Variants in BARX2 observed in about 807,000 individuals in gnomAD.
BARX2 encodes the protein homeobox protein BarH-like 2.
In BARX2, 11 loss-of-function variants were observed where a neutral mutation model predicts 25.5. That is an observed-to-expected ratio of 0.43 (90% CI 0.27 to 0.71). BARX2 has a LOEUF of 0.71. Among genes scored for constraint, BARX2 ranks in the 30% least tolerant of loss-of-function variants. The probability of loss-of-function intolerance (pLI) is 0.19; values close to 1 mark genes in which losing one functional copy is unlikely to be tolerated. For synonymous variants in BARX2, 137 were observed against 149.5 expected (o/e 0.92, Z 0.61); for missense variants, 360 against 359.9 (o/e 1.00, Z 0.00).
At chr11:129,443,449 C>T (rs1862287875) in intron 3 of BARX2, among the ~76,000 whole-genome samples, 2 of 152,018 alleles carry the variant, frequency 1.3e-5, no homozygotes, top group African/African-American at 4.8e-5. Context: ...CGTCCTCTAA[C>T]GCAGTGATCC....
intron 1 of BARX2, among the ~76,000 whole-genome samples, chr11:129,426,670 C>A (rs958757331): frequency 1.6e-4 from 24 of 152,196 alleles, no homozygotes. Context: ...AGCCACCACA[C>A]CTGGCCCCGC....
intron 1 of BARX2, among the ~76,000 whole-genome samples, chr11:129,406,906 G>A (rs1242342995): frequency 1.3e-5 from 2 of 152,198 alleles, no homozygotes; most frequent in African/African-American, 4.8e-5. Flanking sequence ...AAATGCAACT[G>A]TGACTTTCTT....
At chr11:129,422,245 A>G (rs1338809172) in intron 1 of BARX2, among the ~76,000 whole-genome samples, 3 of 152,134 alleles carry the variant, frequency 2.0e-5, no homozygotes, top group Admixed American at 1.3e-4. Flanking sequence ...GCTAGACCCT[A>G]CGCTGGACAA....
intron 1 of BARX2, among the ~76,000 whole-genome samples, chr11:129,413,992 G>A (rs911672145): frequency 7.9e-5 from 12 of 151,932 alleles, no homozygotes; most frequent in Non-Finnish European, 1.5e-4. Context: ...CATGAACCTG[G>A]GAGGCAGAGC....
At chr11:129,429,173 G>C (rs1444380725) in intron 1 of BARX2, among the ~76,000 whole-genome samples, 2 of 152,172 alleles carry the variant, frequency 1.3e-5, no homozygotes, top group Non-Finnish European at 2.9e-5. Context: ...TATAAGGTTA[G>C]TGTAACTCTA....
intron 1 of BARX2, among the ~76,000 whole-genome samples, chr11:129,431,874 C>G (rs573099053): frequency 6.6e-6 from 1 of 151,984 alleles, no homozygotes; most frequent in Non-Finnish European, 1.5e-5. Context: ...AGATTTTTCT[C>G]TAATGTTTCT....
At chr11:129,383,542 G>A (rs1456841567) in intron 1 of BARX2, among the ~76,000 whole-genome samples, 3 of 152,164 alleles carry the variant, frequency 2.0e-5, no homozygotes, top group Non-Finnish European at 4.4e-5. Flanking sequence ...CTGAAGATTA[G>A]GTGATGTTCA....
At chr11:129,423,166 G>C (rs1591440719) in intron 1 of BARX2, among the ~76,000 whole-genome samples, 1 of 151,510 alleles carries the variant, frequency 6.6e-6, no homozygotes, top group South Asian at 2.1e-4. Context: ...ACCCAGGCTG[G>C]AGTGTAATGG....
At chr11:129,388,093 CTGTGTGTG>C (rs34835803) in intron 1 of BARX2, among the ~76,000 whole-genome samples, 2 of 146,920 alleles carry the variant, frequency 1.4e-5, no homozygotes, top group East Asian at 2.0e-4. Context: ...AGGCAACATA[CTGTGTGTG>C]TGTGTGTGTG....
chr11:129,448,112 T>G (rs1027979765), intron 3 of BARX2, among the ~76,000 whole-genome samples: 2 of 152,214 alleles, frequency 1.3e-5, no homozygotes, highest in African/African-American at 2.4e-5. Flanking sequence ...TACTGAGAAC[T>G]TCTTGGTTTT....
chr11:129,409,519 G>A (rs182290540), intron 1 of BARX2, among the ~76,000 whole-genome samples: 7 of 152,062 alleles, frequency 4.6e-5, no homozygotes, highest in South Asian at 4.2e-4. Flanking sequence ...TTTAGATGAC[G>A]TGGTGAAAAG....
Position 129,390,984 on chromosome 11 carries a change from A to G in BARX2, c.187+14762A>G, listed in dbSNP as rs571644361. Reference sequence around the variant, plus strand: ...CAAAAACCTTTCCTCCAGAGCCTCCACTGCCTCATTCTGTGATGTTTCAAT... The same window carrying G: ...CAAAAACCTTTCCTCCAGAGCCTCCGCTGCCTCATTCTGTGATGTTTCAAT... On this transcript the variant is annotated intron_variant, in intron 1 of 3. Transcript: ENST00000281437. The surrounding 1 kb of genome is among the most constrained non-coding windows in gnomAD (Gnocchi z 4.3). Among the ~76,000 whole-genome samples, 24 of 152,324 alleles carry G rather than the reference A, an allele frequency of 1.6e-4. No individual in the cohort carries two copies. The highest frequency in any genetic ancestry group is 5.3e-4 in the African/African-American group (22 of 41,578).
Position 129,446,126 on chromosome 11 carries a change from G to A in BARX2, c.573+3207G>A, listed in dbSNP as rs370900106. On this transcript the variant is annotated intron_variant, in intron 3 of 3. Coordinates refer to ENST00000281437, the MANE Select transcript of BARX2 (RefSeq NM_003658.5). ...ATCTTGCATATTTAAGATGGGATGC[G>A]CACCCTCTATTCCATGTCTGTTGGC... Among the ~76,000 whole-genome samples, 107 of 152,194 alleles carry A rather than the reference G, an allele frequency of 7.0e-4. No homozygotes were observed. In the South Asian group the frequency reaches 0.015, roughly 21 times the overall value.
At chr11:129,410,578 A>G (rs2323632) in intron 1 of BARX2, among the ~76,000 whole-genome samples, 59,479 of 152,078 alleles carry the variant, frequency 0.39, 15,163 homozygotes, top group African/African-American at 0.73. Context: ...GGCTGTGTGT[A>G]CATGAATGAA....
In BARX2 at chr11:129,451,791, G is replaced by C. The variant is rs998448714; in HGVS notation, c.*389G>C. 15 of 173,390 alleles carry C rather than the reference G, an allele frequency of 8.7e-5. No homozygotes were observed. The highest frequency in any genetic ancestry group is 1.5e-4 in the Non-Finnish European group (12 of 82,162). The allele number at this position is 173,390 out of a possible 1,614,324, so 10.7% of individuals were successfully genotyped here. A position where few individuals can be genotyped will look rare whatever the true frequency, so the allele number is the denominator to read the frequency against. The stretch of plus-strand genomic sequence containing the variant: ...GGGCAGCCAGTCATCAAAGCAGAGA[G>C]ACGTGGCGGCATGTGGGCAGCATGC... On this transcript the variant is annotated 3_prime_UTR_variant, in exon 4 of 4. Coordinates refer to ENST00000281437, the MANE Select transcript of BARX2 (RefSeq NM_003658.5).
intron 1 of BARX2, among the ~76,000 whole-genome samples, chr11:129,391,687 T>A (rs2135388221): frequency 6.6e-6 from 1 of 152,310 alleles, no homozygotes; most frequent in South Asian, 2.1e-4. Context: ...GGCTCTGGGC[T>A]TTAAGGATAA....
At chr11:129,417,923 A>C (rs1001136910) in intron 1 of BARX2, among the ~76,000 whole-genome samples, 2 of 152,214 alleles carry the variant, frequency 1.3e-5, no homozygotes, top group Non-Finnish European at 2.9e-5. Flanking sequence ...GGCAGAAGAG[A>C]TCCTGCAGTT....
At chr11:129,411,660 G>A (rs1205288330) in intron 1 of BARX2, among the ~76,000 whole-genome samples, 1 of 152,238 alleles carries the variant, frequency 6.6e-6, no homozygotes, top group Non-Finnish European at 1.5e-5. Context: ...CAATTAGCAA[G>A]TCAAGAAGAA....
At chr11:129,402,229 G>A in intron 1 of BARX2, among the ~76,000 whole-genome samples, 1 of 151,984 alleles carries the variant, frequency 6.6e-6, no homozygotes, top group East Asian at 1.9e-4. Context: ...GCAGCTTTGG[G>A]GGCACAGACC....
Sources: allele counts gnomAD v4.1 joint callset (sites outside exome capture counted in the v4.1 genomes callset), GRCh38; gene constraint gnomAD v4.1.1; non-coding constraint Gnocchi (gnomAD v3.1); transcripts MANE v1.5; gene names NCBI Gene and HGNC (gene_info 2026-07-23, HGNC 2026-07-21).